Variants in GRIA4 observed in about 807,000 individuals in gnomAD.
GRIA4 encodes glutamate receptor 4.
In GRIA4, 34 loss-of-function variants were observed where a neutral mutation model predicts 104.0. The ratio of observed to expected loss-of-function variants is 0.33; its 90% CI spans 0.25 to 0.44. GRIA4 has a LOEUF of 0.44. GRIA4 is among the 20% of genes least tolerant of loss of function. GRIA4 has a pLI of 1.00. For synonymous variants in GRIA4, 386 were observed against 381.9 expected, an observed-to-expected ratio of 1.01 and a Z score of -0.13; for missense variants, 750 against 1,096.5, an observed-to-expected ratio of 0.68 and a Z score of 4.46.
intron 3 of GRIA4, among the ~76,000 whole-genome samples, chr11:105,664,302 C>T (rs1358138499): frequency 1.3e-5 from 2 of 149,948 alleles, no homozygotes; most frequent in Admixed American, 1.4e-4. Flanking sequence ...GCCCTAGGAT[C>T]AAATGAACTT....
chr11:105,741,505 T>C (rs1275184227), intron 3 of GRIA4, among the ~76,000 whole-genome samples: 1 of 152,030 alleles, frequency 6.6e-6, no homozygotes, highest in Non-Finnish European at 1.5e-5. Flanking sequence ...AAGTGGGAAA[T>C]GCAAGAGGAG....
intron 5 of GRIA4, among the ~76,000 whole-genome samples, chr11:105,880,602 A>C (rs1946016367): frequency 6.6e-6 from 1 of 152,174 alleles, no homozygotes; most frequent in Admixed American, 6.5e-5. Flanking sequence ...CATTTTTTTT[A>C]ATATTTGGAA....
chr11:105,920,931 G>A (rs1053345815), intron 11 of GRIA4, among the ~76,000 whole-genome samples: 2 of 151,796 alleles, frequency 1.3e-5, no homozygotes, highest in African/African-American at 4.8e-5. Flanking sequence ...ACGTTTTTTT[G>A]TTTGTTTGTT....
intron 5 of GRIA4, among the ~76,000 whole-genome samples, chr11:105,874,418 T>C (rs916548309): frequency 3.9e-5 from 6 of 152,212 alleles, no homozygotes; most frequent in African/African-American, 1.4e-4. Flanking sequence ...TTCGGTTCCA[T>C]ATGAAATTTA....
chr11:105,797,201 C>T (rs1470137110), intron 4 of GRIA4, among the ~76,000 whole-genome samples: 2 of 151,546 alleles, frequency 1.3e-5, no homozygotes, highest in South Asian at 2.1e-4. Context: ...AGAGCAAGAC[C>T]CTGTCTTGAA....
At chr11:105,720,616 C>A (rs1427355544) in intron 3 of GRIA4, among the ~76,000 whole-genome samples, 1 of 152,180 alleles carries the variant, frequency 6.6e-6, no homozygotes, top group East Asian at 1.9e-4. Flanking sequence ...AGTCAAATTG[C>A]TTCAGTCATT....
At chr11:105,710,760 A>T (rs1054834798) in intron 3 of GRIA4, among the ~76,000 whole-genome samples, 6 of 152,132 alleles carry the variant, frequency 3.9e-5, no homozygotes, top group African/African-American at 1.4e-4. Flanking sequence ...GGAGTCAAAG[A>T]CTTGACTAAT....
intron 3 of GRIA4, among the ~76,000 whole-genome samples, chr11:105,685,616 AAAT>A (rs1188789344): frequency 2.6e-5 from 4 of 152,228 alleles, no homozygotes; most frequent in African/African-American, 9.6e-5. Context: ...AGATGTGTGA[AAAT>A]TTATTATTTA....
At chr11:105,948,990 G>A (rs1029109878) in intron 14 of GRIA4, among the ~76,000 whole-genome samples, 9 of 152,118 alleles carry the variant, frequency 5.9e-5, no homozygotes, top group Non-Finnish European at 1.2e-4. Flanking sequence ...TTGAAGTTTA[G>A]TTAAGAGTAT....
chr11:105,624,990 C>T (rs575474967), intron 3 of GRIA4, among the ~76,000 whole-genome samples: 173 of 152,116 alleles, frequency 1.1e-3, no homozygotes, highest in African/African-American at 3.9e-3. Context: ...GAAAGTAGCA[C>T]AGAGATACTG....
intron 3 of GRIA4, among the ~76,000 whole-genome samples, chr11:105,626,589 T>C (rs1950892766): frequency 1.3e-5 from 2 of 152,106 alleles, no homozygotes; most frequent in South Asian, 4.1e-4. Flanking sequence ...CCCATGAATG[T>C]AGGAAAACCT....
intron 4 of GRIA4, among the ~76,000 whole-genome samples, chr11:105,810,487 C>T (rs1943128775): frequency 6.6e-6 from 1 of 152,092 alleles, no homozygotes; most frequent in African/African-American, 2.4e-5. Context: ...AATGAACCTG[C>T]CACAGAAAGC....
At chr11:105,653,362 C>A (rs575236528) in intron 3 of GRIA4, among the ~76,000 whole-genome samples, 37 of 152,250 alleles carry the variant, frequency 2.4e-4, no homozygotes, top group Admixed American at 9.8e-4. Flanking sequence ...CACTGTGAAA[C>A]TGTGACAGTC....
At chr11:105,701,874 A>C (rs1437636993) in intron 3 of GRIA4, among the ~76,000 whole-genome samples, 1 of 152,154 alleles carries the variant, frequency 6.6e-6, no homozygotes, top group African/African-American at 2.4e-5. Context: ...TAATTTATAT[A>C]TTTTACTGAA....
chr11:105,718,514 G>A (rs1272774770), intron 3 of GRIA4, among the ~76,000 whole-genome samples: 1 of 152,182 alleles, frequency 6.6e-6, no homozygotes, highest in African/African-American at 2.4e-5. Context: ...GAGGGAGGTG[G>A]AGAAGCATTC....
intron 4 of GRIA4, among the ~76,000 whole-genome samples, chr11:105,792,497 CT>C (rs1440827971): frequency 6.6e-6 from 1 of 151,956 alleles, no homozygotes; most frequent in African/African-American, 2.4e-5. Flanking sequence ...AAATTAGGTA[CT>C]TTTTCATGTG....
intron 4 of GRIA4, among the ~76,000 whole-genome samples, chr11:105,808,670 T>G (rs546536600): frequency 2.6e-5 from 4 of 152,210 alleles, no homozygotes; most frequent in African/African-American, 9.6e-5. Flanking sequence ...AAAATATATT[T>G]AAGTCCATCT....
At chr11:105,727,541 C>A (rs1198443544) in intron 3 of GRIA4, among the ~76,000 whole-genome samples, 1 of 152,084 alleles carries the variant, frequency 6.6e-6, no homozygotes, top group African/African-American at 2.4e-5. Flanking sequence ...CACAAAGATA[C>A]TCCTTGAGAA....
chr11:105,701,257 T>C (rs569522631), intron 3 of GRIA4, among the ~76,000 whole-genome samples: 7 of 152,344 alleles, frequency 4.6e-5, no homozygotes, highest in Admixed American at 2.0e-4. Flanking sequence ...CTTACAAATA[T>C]ATCTTCTGTG....
Sources: allele counts gnomAD v4.1 joint callset (sites outside exome capture counted in the v4.1 genomes callset), GRCh38; gene constraint gnomAD v4.1.1; transcripts MANE v1.5; gene names NCBI Gene and HGNC (gene_info 2026-07-23, HGNC 2026-07-21).